Variants in HERC2 observed in about 807,000 individuals in gnomAD.
HERC2 encodes HECT and RLD domain containing E3 ubiquitin protein ligase 2.
HERC2 carries 102 observed loss-of-function variants against 537.7 expected under a neutral mutation model. That is an observed-to-expected ratio of 0.19 (90% CI 0.16 to 0.22). The LOEUF is 0.22. HERC2 is among the 10% of genes least tolerant of loss of function. The pLI is 1.00. For missense variants in HERC2, 4,236 were observed against 6,198.2 expected (o/e 0.68, Z 10.63); for synonymous variants, 2,224 against 2,466.2 (o/e 0.90, Z 2.91).
chr15:28,204,520 T>A lies in HERC2; in HGVS notation c.7212+1720A>T, dbSNP rs1299581058. Among the ~76,000 whole-genome samples, 8 of 150,426 alleles carry A rather than the reference T, an allele frequency of 5.3e-5. No individual in the cohort carries two copies. In the East Asian group the frequency reaches 1.6e-3, roughly 30 times the overall value. On this transcript the variant is annotated intron_variant, in intron 45 of 92. Transcript: ENST00000261609. ...CTGTAGTCCTAGCTACTCGGGAGGC[T>A]GAGGCAGGAGAATCACTTGAACCCA...
chr15:28,158,258 G>C lies in HERC2; in HGVS notation c.10746+4836C>G, dbSNP rs1001627825. On this transcript the variant is annotated intron_variant, in intron 69 of 92. Transcript: ENST00000261609. ...CTGTAGATGTCTATTAGGTTGGCTTGATGCAGAGCTGAGTTCAGTTCCTGG... is the reference window on the plus strand; with the variant it reads ...CTGTAGATGTCTATTAGGTTGGCTTCATGCAGAGCTGAGTTCAGTTCCTGG... Among the ~76,000 whole-genome samples, 5 of 152,278 alleles carry C rather than the reference G, an allele frequency of 3.3e-5. No individual in the cohort carries two copies. In the South Asian group the frequency reaches 1.0e-3, roughly 32 times the overall value.
rs191618548 is a variant in HERC2, at chr15:28,292,684, G to C, written c.322+204C>G. On this transcript the variant is annotated intron_variant, in intron 4 of 92. Transcript: ENST00000261609. Reference sequence around the variant, plus strand: ...AAGCGTGATGGCTGGGCAACAATGTGAATATACTTCATGCCAATGAACTCT... The same window carrying C: ...AAGCGTGATGGCTGGGCAACAATGTCAATATACTTCATGCCAATGAACTCT... Among the ~76,000 whole-genome samples, 315 of 152,190 alleles carry C rather than the reference G, an allele frequency of 2.1e-3. 1 individual carries two copies. The highest frequency in any genetic ancestry group is 7.2e-3 in the African/African-American group (298 of 41,514).
chr15:28,215,881 C>G, intron 38 of HERC2, 79 bp from the exon 39 acceptor site: 1 of 971,770 alleles, frequency 1.0e-6, no homozygotes, highest in South Asian at 1.7e-5. Flanking sequence ...ATTTTTTTAT[C>G]AACTTATTTT....
chr15:28,271,866 G>A (rs906653341), intron 9 of HERC2, among the ~76,000 whole-genome samples: 1 of 152,200 alleles, frequency 6.6e-6, no homozygotes, highest in Non-Finnish European at 1.5e-5. Flanking sequence ...TAAGGCGGGA[G>A]CTGGTACCAA....
intron 69 of HERC2, among the ~76,000 whole-genome samples, chr15:28,154,530 C>T (rs894173122): frequency 6.6e-6 from 1 of 152,172 alleles, no homozygotes; most frequent in Non-Finnish European, 1.5e-5. Flanking sequence ...ATCAGGGGCT[C>T]TGGCCTTCAG....
rs2140897595 is a variant in HERC2, at chr15:28,256,283, T to G, written c.2552A>C (p.Glu851Ala). 6.3e-7 allele frequency: 1 copy of G among 1,596,824 alleles called. No homozygotes were observed. Among genetic ancestry groups the G allele is most frequent in the Non-Finnish European group, 8.5e-7 (1 of 1,179,526 alleles). Reference sequence around the variant, plus strand: ...GCTGCCCAGACCTAAACCAAGGAATTCCGGGTCAACCTGGTGACTAATGGC... The same window carrying G: ...GCTGCCCAGACCTAAACCAAGGAATGCCGGGTCAACCTGGTGACTAATGGC... ...HAAISHQVDP[E>A]FLGLGLGSIL... The change falls in exon 18 of 93, where the codon GAA becomes GCA. Residue 851 changes from glutamate (E) to alanine (A), a missense_variant. Glu to Ala is a moderately radical substitution (Grantham distance 107). Transcript: ENST00000261609.
At chr15:28,120,227 ACT>A (rs1888728715) in intron 86 of HERC2, among the ~76,000 whole-genome samples, 1 of 152,226 alleles carries the variant, frequency 6.6e-6, no homozygotes, top group African/African-American at 2.4e-5. Flanking sequence ...AGCATTAAAC[ACT>A]CTGACGTCAG....
chr15:28,300,823 CAAAAAAAA>C (rs57696757), intron 2 of HERC2, among the ~76,000 whole-genome samples: 11 of 13,158 alleles, frequency 8.4e-4, no homozygotes, highest in South Asian at 4.4e-3. Flanking sequence ...GACTCCATCT[CAAAAAAAA>C]AAAAAAAAAA....
intron 56 of HERC2, among the ~76,000 whole-genome samples, chr15:28,183,647 G>A (rs1442402509): frequency 6.6e-6 from 1 of 152,136 alleles, no homozygotes; most frequent in Non-Finnish European, 1.5e-5. Context: ...CTGTGTTTGG[G>A]GTTTTCACCT....
chr15:28,309,139 T>C (rs1360819786), intron 2 of HERC2, among the ~76,000 whole-genome samples: 2 of 152,338 alleles, frequency 1.3e-5, no homozygotes, highest in East Asian at 3.8e-4. Flanking sequence ...TCTGCAGCCA[T>C]CAGATGAAAT....
chr15:28,271,993 T>C, intron 9 of HERC2: 1 of 546,560 alleles, frequency 1.8e-6, no homozygotes, highest in Middle Eastern at 4.7e-4. Flanking sequence ...AGTGAATGTT[T>C]CAAGCTTGGT....
intron 59 of HERC2, 70 bp downstream of exon 59, chr15:28,178,817 A>C: frequency 6.7e-7 from 1 of 1,484,266 alleles, no homozygotes; most frequent in Non-Finnish European, 9.1e-7. Flanking sequence ...GACACCAATT[A>C]GGGCTTTGGT....
intron 83 of HERC2, among the ~76,000 whole-genome samples, chr15:28,126,276 G>A (rs117007668): frequency 0.015 from 2,214 of 152,274 alleles, 29 homozygotes; most frequent in Middle Eastern, 0.034. Context: ...CTGTGAAAAC[G>A]CGTTGTGATG....
At position 28,248,639 on chromosome 15, in the gene HERC2, A is replaced by T. The variant is rs749117219; in HGVS notation, c.3148T>A (p.Ser1050Thr). 1.9e-6 allele frequency: 3 copies of T among 1,613,990 alleles called. No individual in the cohort carries two copies. The South Asian group carries it at 3.3e-5, about 18-fold the overall frequency. Residue 1050 changes from serine (S) to threonine (T), a missense_variant, in exon 21 of 93, where the codon TCA becomes ACA. Transcript: ENST00000261609. ...FEQHSRERSASLDLLLRFQRL... is the reference protein window; with the variant it reads ...FEQHSRERSATLDLLLRFQRL... Reference sequence around the variant, plus strand: ...TGAAAACGCAGTAACAAATCCAATGAAGCAGATCTTTCACGACTGTGTTGC... The same window carrying T: ...TGAAAACGCAGTAACAAATCCAATGTAGCAGATCTTTCACGACTGTGTTGC...
intron 57 of HERC2, among the ~76,000 whole-genome samples, chr15:28,182,101 C>A (rs1321030861): frequency 1.3e-5 from 2 of 152,108 alleles, no homozygotes; most frequent in East Asian, 1.9e-4. Context: ...TCATGATAGT[C>A]AAAAATGTTT....
At chr15:28,149,294 G>A (rs775677492) in intron 70 of HERC2, among the ~76,000 whole-genome samples, 3 of 149,044 alleles carry the variant, frequency 2.0e-5, no homozygotes, top group Admixed American at 6.7e-5. Flanking sequence ...AAAAACACAC[G>A]CAGCTCCTGA....
intron 8 of HERC2, 99 bp downstream of exon 8, chr15:28,272,795 G>T: frequency 5.3e-6 from 4 of 751,942 alleles, no homozygotes; most frequent in African/African-American, 1.7e-5. Flanking sequence ...TACCACATCT[G>T]CTGCGGTCAC....
chr15:28,145,926 T>C lies in HERC2; in HGVS notation c.11008+311A>G, dbSNP rs79840202. Among the ~76,000 whole-genome samples, 27 of 152,314 alleles carry C rather than the reference T, an allele frequency of 1.8e-4. No individual in the cohort carries two copies. The East Asian group carries it at 4.3e-3, about 24-fold the overall frequency. On this transcript the variant is annotated intron_variant, in intron 71 of 92. Coordinates refer to ENST00000261609, the MANE Select transcript of HERC2 (RefSeq NM_004667.6). ...AGAAACAAACCTTTTGAAGAAGCTC[T>C]GCAGTATGCCAACCATGACCTTACA... is the stretch of plus-strand genomic sequence containing the variant.
rs767656565 is a variant in HERC2 at position 28,201,572 on chromosome 15, A to G, written c.7618-18T>C. The G allele has an allele frequency of 3.3e-6, 5 of 1,522,136 alleles. No individual in the cohort carries two copies. The highest frequency in any genetic ancestry group is 2.3e-5 in the East Asian group (1 of 44,410). 94.3% of individuals were successfully genotyped at this position (1,522,136 alleles called of 1,614,324 possible). On this transcript the variant is annotated intron_variant, in intron 47 of 92. Coordinates refer to ENST00000261609, the MANE Select transcript of HERC2 (RefSeq NM_004667.6). Reference sequence around the variant, plus strand: ...CCAGTAGACTGCAAGAAATAAATACATTCAAACAAAAAAACAGGAGAACAT... The same window carrying G: ...CCAGTAGACTGCAAGAAATAAATACGTTCAAACAAAAAAACAGGAGAACAT...
Sources: gnomAD v4.1 joint callset for allele counts (sites outside exome capture counted in the v4.1 genomes callset) on GRCh38, gnomAD v4.1.1 for gene constraint, MANE v1.5 for transcripts, NCBI Gene and HGNC (gene_info 2026-07-23, HGNC 2026-07-21) for gene names.